The following ZDHHC2 variants were observed in gnomAD, a reference collection of about 807,000 sequenced individuals.
The protein encoded by ZDHHC2 is zDHHC palmitoyltransferase 2, also known as palmitoyltransferase ZDHHC2.
In ZDHHC2, 51 loss-of-function variants were observed where a neutral mutation model predicts 55.6. The observed-to-expected ratio is 0.92, with a 90% CI of 0.73 to 1.16. ZDHHC2 has a LOEUF of 1.16. ZDHHC2 is among the 50% of genes most tolerant of loss of function. The pLI, the probability that ZDHHC2 is intolerant of heterozygous loss-of-function variation, is 0.00. For missense variants in ZDHHC2, 491 were observed against 442.4 expected (o/e 1.11, Z -0.99); for synonymous variants, 199 against 152.9 (o/e 1.30, Z -2.22).
In ZDHHC2 at chr8:17,201,298, A is replaced by G. The variant is rs192874006; in HGVS notation, c.476+2885A>G. 1.6e-3 allele frequency among the ~76,000 whole-genome samples: 241 copies of G among 152,008 alleles called. 1 individual carries two copies. The highest frequency in any genetic ancestry group is 5.5e-3 in the African/African-American group (230 of 41,468). ...ATTTATTTTTAGTACAAGTGACTAC[A>G]CTATTGATTGAATCTGTTTCTTTTT... On this transcript the variant is annotated intron_variant, in intron 6 of 12. Coordinates refer to ENST00000262096, the MANE Select transcript of ZDHHC2 (RefSeq NM_016353.5).
chr8:17,213,256 T>C (rs1179532228), intron 10 of ZDHHC2, among the ~76,000 whole-genome samples: 1 of 151,884 alleles, frequency 6.6e-6, no homozygotes, highest in East Asian at 1.9e-4. Flanking sequence ...ATTTTTTTTT[T>C]CTTTTTTTTT....
intron 1 of ZDHHC2, among the ~76,000 whole-genome samples, chr8:17,163,892 A>C (rs1333889581): frequency 6.6e-6 from 1 of 152,238 alleles, no homozygotes; most frequent in African/African-American, 2.4e-5. Context: ...GAAAGCATAA[A>C]ATAATTGAAT....
chr8:17,215,332 C>T lies in ZDHHC2; in HGVS notation c.1046C>T (p.Pro349Leu). 6.3e-7 allele frequency: 1 copy of T among 1,582,788 alleles called. No individual in the cohort carries two copies. The highest frequency in any genetic ancestry group is 8.6e-7 in the Non-Finnish European group (1 of 1,163,606). The change falls in exon 11 of 13, where the codon CCA (proline) becomes CTA (leucine). Residue 349 changes from proline (P) to leucine (L), a missense_variant. Coordinates refer to ENST00000262096, the MANE Select transcript of ZDHHC2 (RefSeq NM_016353.5). ...TCTTGGACGGAGAGCAGCATAAACC[C>T]AGGAAAATGCAAAGCTGGTAAGGGT... ...SQSWTESSINPGKCKAGMSNP... is the reference protein window; with the variant it reads ...SQSWTESSINLGKCKAGMSNP...
rs1343114615 is a variant in ZDHHC2, at chr8:17,202,720, G to GTT, written c.477-2934_477-2933dup. On this transcript the variant is annotated intron_variant, in intron 6 of 12. Coordinates refer to ENST00000262096, the MANE Select transcript of ZDHHC2 (RefSeq NM_016353.5). ...AATAAATGTCACTATATTTCTTCTAGTTATATATATATATACACACACACA... is the reference window on the plus strand; with the variant it reads ...AATAAATGTCACTATATTTCTTCTAGTTTTATATATATATATACACACACACA... 2.6e-4 allele frequency among the ~76,000 whole-genome samples: 6 copies of GTT among 22,726 alleles called. No homozygotes were observed. The South Asian group carries it at 8.5e-3, about 32-fold the overall frequency. The allele number at this position is 22,726 out of a possible 152,430, so 14.9% of individuals were successfully genotyped here. A position where few individuals can be genotyped will look rare whatever the true frequency, so the allele number is the denominator to read the frequency against.
intron 6 of ZDHHC2, among the ~76,000 whole-genome samples, chr8:17,200,953 T>G (rs1288629428): frequency 2.0e-5 from 3 of 152,186 alleles, no homozygotes; most frequent in African/African-American, 7.2e-5. Context: ...CTCTGAGTAC[T>G]CCCTTGCAGA....
intron 1 of ZDHHC2, among the ~76,000 whole-genome samples, chr8:17,157,239 C>G (rs112666137): frequency 3.3e-5 from 5 of 152,302 alleles, no homozygotes; most frequent in Admixed American, 3.3e-4. Flanking sequence ...GGCCCGGCCC[C>G]GAGCTGCGCC....
At chr8:17,159,781 A>G (rs370098009) in intron 1 of ZDHHC2, among the ~76,000 whole-genome samples, 10 of 152,248 alleles carry the variant, frequency 6.6e-5, no homozygotes, top group African/African-American at 2.4e-4. Flanking sequence ...TTATACTTCT[A>G]ATCATTTGGA....
At chr8:17,175,921 A>G (rs1805103955) in intron 1 of ZDHHC2, among the ~76,000 whole-genome samples, 1 of 152,162 alleles carries the variant, frequency 6.6e-6, no homozygotes, top group Non-Finnish European at 1.5e-5. Context: ...AAAGACGCTA[A>G]GGTTTGGTGT....
intron 10 of ZDHHC2, among the ~76,000 whole-genome samples, chr8:17,211,375 C>G (rs1177650732): frequency 6.6e-6 from 1 of 152,164 alleles, no homozygotes. Flanking sequence ...TTGAACATTT[C>G]TTACTGATCA....
chr8:17,208,294 GTATA>G (rs754684284), intron 8 of ZDHHC2, among the ~76,000 whole-genome samples: 18 of 148,554 alleles, frequency 1.2e-4, no homozygotes, highest in Non-Finnish European at 2.1e-4. Flanking sequence ...TCATATATAT[GTATA>G]TATATATGAG....
chr8:17,175,007 G>A (rs1212861394), intron 1 of ZDHHC2, among the ~76,000 whole-genome samples: 1 of 152,146 alleles, frequency 6.6e-6, no homozygotes, highest in Non-Finnish European at 1.5e-5. Flanking sequence ...GATTACAGAT[G>A]TGAGCCACCG....
At chr8:17,190,604 C>G (rs1805974042) in intron 3 of ZDHHC2, among the ~76,000 whole-genome samples, 1 of 151,960 alleles carries the variant, frequency 6.6e-6, no homozygotes, top group Non-Finnish European at 1.5e-5. Context: ...AAAAGTAATA[C>G]AACCGCACTA....
intron 6 of ZDHHC2, among the ~76,000 whole-genome samples, chr8:17,199,871 T>C (rs1806652761): frequency 1.3e-5 from 2 of 151,496 alleles, no homozygotes; most frequent in Non-Finnish European, 2.9e-5. Flanking sequence ...GCGATTCTCC[T>C]GCCTCAGCCT....
Position 17,206,514 on chromosome 8 carries a change from C to T in ZDHHC2, c.597+739C>T, listed in dbSNP as rs117542330. On this transcript the variant is annotated intron_variant, in intron 7 of 12. Transcript: ENST00000262096. Reference sequence around the variant, plus strand: ...TATAAAAAATAAGTACTGCAAATAACGAGAATTGATGACTATATAAGATTT... The same window carrying T: ...TATAAAAAATAAGTACTGCAAATAATGAGAATTGATGACTATATAAGATTT... 5.5e-3 allele frequency among the ~76,000 whole-genome samples: 831 copies of T among 152,026 alleles called. 4 individuals are homozygous for T. Among genetic ancestry groups the T allele is most frequent in the Non-Finnish European group, 9.6e-3 (652 of 67,976 alleles).
chr8:17,190,771 A>G (rs1055786900), intron 3 of ZDHHC2, among the ~76,000 whole-genome samples: 1 of 152,008 alleles, frequency 6.6e-6, no homozygotes, highest in Admixed American at 6.6e-5. Context: ...AGGTATTTTG[A>G]TACAGGCATG....
intron 1 of ZDHHC2, among the ~76,000 whole-genome samples, chr8:17,181,434 A>T (rs1805428284): frequency 6.6e-6 from 1 of 152,252 alleles, no homozygotes; most frequent in African/African-American, 2.4e-5. Context: ...GACTTTGAGA[A>T]TAAAGCTCAT....
intron 1 of ZDHHC2, among the ~76,000 whole-genome samples, chr8:17,181,117 G>T (rs35070955): frequency 4.6e-5 from 7 of 152,112 alleles, no homozygotes; most frequent in Admixed American, 6.5e-5. Context: ...CATGGTAATA[G>T]AAATAACTTT....
intron 1 of ZDHHC2, among the ~76,000 whole-genome samples, chr8:17,163,281 G>A (rs117414621): frequency 0.016 from 2,475 of 152,286 alleles, 37 homozygotes; most frequent in Non-Finnish European, 0.026. Context: ...CCTGGTAACA[G>A]CGGGTCCAGT....
rs1225251836 is a variant in ZDHHC2, at chr8:17,194,032, C to A, written c.253-1472C>A. On this transcript the variant is annotated intron_variant, in intron 3 of 12. Coordinates refer to ENST00000262096, the MANE Select transcript of ZDHHC2 (RefSeq NM_016353.5). ...AACGTGCAGTGTTTGGTTTTCTGTT[C>A]TTGTATTAGTTTGCTGAGAATGATG... 2.6e-5 allele frequency among the ~76,000 whole-genome samples: 4 copies of A among 152,076 alleles called. No individual in the cohort carries two copies. The East Asian group carries it at 7.7e-4, about 29-fold the overall frequency.
Sources: gnomAD v4.1 joint callset for allele counts (sites outside exome capture counted in the v4.1 genomes callset) on GRCh38, gnomAD v4.1.1 for gene constraint, MANE v1.5 for transcripts, NCBI Gene and HGNC (gene_info 2026-07-23, HGNC 2026-07-21) for gene names.